The following DNAJC16 variants were observed in gnomAD, a reference collection of about 807,000 sequenced individuals.
The protein encoded by DNAJC16 is dnaJ homolog subfamily C member 16.
DNAJC16 carries 76 observed loss-of-function variants against 92.7 expected under a neutral mutation model. That is an observed-to-expected ratio of 0.82 (90% CI 0.68 to 0.99). DNAJC16 has a LOEUF of 0.99. Ranked by LOEUF, DNAJC16 falls within the 50% of genes least tolerant of loss-of-function variation. The pLI is 0.00. For missense variants in DNAJC16, 869 were observed against 942.4 expected (o/e 0.92, Z 1.02); for synonymous variants, 328 against 358.7 (o/e 0.91, Z 0.97).
intron 7 of DNAJC16, among the ~76,000 whole-genome samples, chr1:15,552,293 C>T (rs1638462421): frequency 6.6e-6 from 1 of 151,952 alleles, no homozygotes; most frequent in Admixed American, 6.5e-5. Flanking sequence ...CGAGACCAGC[C>T]TGCCCAATAT....
chr1:15,544,934 C>T (rs928338023), intron 5 of DNAJC16, among the ~76,000 whole-genome samples: 2 of 152,094 alleles, frequency 1.3e-5, no homozygotes, highest in Non-Finnish European at 2.9e-5. Context: ...CTTTCTGGCT[C>T]ATAAATTTGT....
chr1:15,561,878 T>C (rs1638700124), intron 8 of DNAJC16, among the ~76,000 whole-genome samples: 1 of 151,904 alleles, frequency 6.6e-6, no homozygotes, highest in Admixed American at 6.6e-5. Context: ...TTTTCATATA[T>C]ATAAAATTTC....
intron 4 of DNAJC16, among the ~76,000 whole-genome samples, chr1:15,538,108 G>A (rs1173897902): frequency 2.0e-5 from 3 of 152,158 alleles, no homozygotes; most frequent in Non-Finnish European, 4.4e-5. Context: ...TGTTTAAAAA[G>A]AGAGACTGCT....
intron 8 of DNAJC16, 151 bp downstream of exon 8, chr1:15,559,807 T>C (rs1638651887): frequency 1.7e-6 from 2 of 1,158,468 alleles, no homozygotes; most frequent in Non-Finnish European, 2.4e-6. Flanking sequence ...CTCATGCCTG[T>C]AATCCCAGCA....
intron 7 of DNAJC16, among the ~76,000 whole-genome samples, chr1:15,551,014 C>T (rs1638430879): frequency 1.3e-5 from 2 of 152,176 alleles, no homozygotes; most frequent in South Asian, 4.1e-4. Context: ...GGATTACAGG[C>T]ACCTGCCACC....
At chr1:15,543,048 C>T (rs1015671895) in intron 4 of DNAJC16, among the ~76,000 whole-genome samples, 1 of 152,150 alleles carries the variant, frequency 6.6e-6, no homozygotes, top group South Asian at 2.1e-4. Flanking sequence ...ATTGATGGCC[C>T]AGTTTCAGTG....
chr1:15,561,123 T>A (rs1025032343), intron 8 of DNAJC16, among the ~76,000 whole-genome samples: 9 of 151,678 alleles, frequency 5.9e-5, no homozygotes, highest in Admixed American at 3.9e-4. Flanking sequence ...TTTTTTTTTT[T>A]AATATATAGC....
At chr1:15,563,807 G>GCCA (rs1638746208) in intron 9 of DNAJC16, 122 bp from the exon 10 acceptor site, 1 of 943,952 alleles carries the variant, frequency 1.1e-6, no homozygotes, top group South Asian at 1.7e-5. Flanking sequence ...CCAAGATCAC[G>GCCA]CCACTGCACT....
chr1:15,564,545 C>CTTT (rs34711960), intron 11 of DNAJC16, among the ~76,000 whole-genome samples, 186 bp downstream of exon 11: 3 of 142,450 alleles, frequency 2.1e-5, no homozygotes, highest in African/African-American at 7.8e-5. Flanking sequence ...TTATTTTTTA[C>CTTT]TTTTTTTTTT....
At chr1:15,540,349 C>A (rs74710579) in intron 4 of DNAJC16, among the ~76,000 whole-genome samples, 2,029 of 152,096 alleles carry the variant, frequency 0.013, 18 homozygotes, top group Non-Finnish European at 0.02. Flanking sequence ...AAGAAAAAAA[C>A]CACAAATGTA....
intron 1 of DNAJC16, 101 bp from the exon 2 acceptor site, chr1:15,528,986 TG>T: frequency 2.0e-6 from 2 of 996,378 alleles, no homozygotes; most frequent in East Asian, 5.0e-5. Flanking sequence ...AAATACCTTT[TG>T]TTGGTTTTGT....
At chr1:15,561,638 C>T (rs772598791) in intron 8 of DNAJC16, among the ~76,000 whole-genome samples, 22 of 150,862 alleles carry the variant, frequency 1.5e-4, no homozygotes, top group Non-Finnish European at 3.0e-4. Context: ...GAGCCGAGAT[C>T]ACACCACTAC....
chr1:15,529,326 G>A, intron 2 of DNAJC16, 54 bp downstream of exon 2: 1 of 1,512,378 alleles, frequency 6.6e-7, no homozygotes, highest in Non-Finnish European at 8.9e-7. Context: ...TCTTAGCAGG[G>A]ATGAAGTCTA....
chr1:15,568,262 A>C lies in DNAJC16; in HGVS notation c.*85A>C. 1 of 1,115,034 alleles carries C rather than the reference A, an allele frequency of 9.0e-7. No individual in the cohort carries two copies. The highest frequency in any genetic ancestry group is 1.3e-6 in the Non-Finnish European group (1 of 770,568). The allele number at this position is 1,115,034 out of a possible 1,614,324, so 69.1% of individuals were successfully genotyped here. On this transcript the variant is annotated 3_prime_UTR_variant, in exon 15 of 15. Transcript: ENST00000375847. ...TATTTTCAGGACTCAAACTACCACAATGAACAGAGTATAGATTTTAGATTG... is the reference window on the plus strand; with the variant it reads ...TATTTTCAGGACTCAAACTACCACACTGAACAGAGTATAGATTTTAGATTG...
chr1:15,545,450 C>G (rs1213576755), intron 5 of DNAJC16, among the ~76,000 whole-genome samples: 1 of 152,178 alleles, frequency 6.6e-6, no homozygotes, highest in Admixed American at 6.5e-5. Flanking sequence ...TAAAATATCT[C>G]TTCTGTGCCC....
At chr1:15,529,508 C>T (rs767107813) in intron 2 of DNAJC16, among the ~76,000 whole-genome samples, 2 of 151,978 alleles carry the variant, frequency 1.3e-5, no homozygotes, top group Non-Finnish European at 2.9e-5. Flanking sequence ...TAAAGAATTG[C>T]CTTAGATACT....
chr1:15,563,887 G>T, intron 9 of DNAJC16, 42 bp from the exon 10 acceptor site: 1 of 1,542,074 alleles, frequency 6.5e-7, no homozygotes, highest in Non-Finnish European at 8.8e-7. Flanking sequence ...ACTTAACCAT[G>T]CTTTTGAAAC....
chr1:15,535,669 G>A (rs1710761965), intron 3 of DNAJC16, among the ~76,000 whole-genome samples: 1 of 152,146 alleles, frequency 6.6e-6, no homozygotes, highest in African/African-American at 2.4e-5. Flanking sequence ...GATGGAGGCT[G>A]CAGTGAGCTG....
At chr1:15,533,709 G>A (rs1710715111) in intron 2 of DNAJC16, among the ~76,000 whole-genome samples, 1 of 152,134 alleles carries the variant, frequency 6.6e-6, no homozygotes, top group African/African-American at 2.4e-5. Context: ...AACGAAAAAT[G>A]TTCTAATTTG....
Sources: gnomAD v4.1 joint callset for allele counts (sites outside exome capture counted in the v4.1 genomes callset) on GRCh38, gnomAD v4.1.1 for gene constraint, MANE v1.5 for transcripts, NCBI Gene and HGNC (gene_info 2026-07-23, HGNC 2026-07-21) for gene names.